Variants in C4orf51 observed in about 807,000 individuals in gnomAD.
C4orf51 encodes uncharacterized protein C4orf51.
A neutral mutation model predicts 25.2 loss-of-function variants in C4orf51; 25 were observed. The ratio of observed to expected loss-of-function variants is 0.99; its 90% confidence interval spans 0.72 to 1.39. C4orf51 has a LOEUF of 1.39. C4orf51 is among the 40% of genes most tolerant of loss of function. The probability of loss-of-function intolerance (pLI) is 0.00; values close to 1 mark genes in which losing one functional copy is unlikely to be tolerated. For missense variants in C4orf51, 252 were observed against 239.6 expected (o/e 1.05, Z -0.34); for synonymous variants, 100 against 84.5 (o/e 1.18, Z -1.01).
At chr4:145,753,472 T>C (rs977425284) in intron 1 of C4orf51, among the ~76,000 whole-genome samples, 4 of 152,164 alleles carry the variant, frequency 2.6e-5, no homozygotes, top group Admixed American at 1.3e-4. Context: ...CAACTGCTAG[T>C]TGTGTGTCAA....
intron 1 of C4orf51, among the ~76,000 whole-genome samples, chr4:145,766,119 T>C (rs989365537): frequency 4.6e-5 from 7 of 152,170 alleles, no homozygotes; most frequent in Non-Finnish European, 7.3e-5. Flanking sequence ...CATTTTACGA[T>C]GAGGGAATGG....
the C4orf51 span, among the ~76,000 whole-genome samples, chr4:145,788,046 T>C: frequency 6.6e-6 from 1 of 152,232 alleles, no homozygotes; most frequent in Non-Finnish European, 1.5e-5. Flanking sequence ...CTAGTGACTC[T>C]GGGAGAGCAG....
chr4:145,756,468 T>C (rs1733961051), downstream of C4orf51, among the ~76,000 whole-genome samples: 1 of 152,230 alleles, frequency 6.6e-6, no homozygotes, highest in Non-Finnish European at 1.5e-5. Flanking sequence ...TGTTCTGTCA[T>C]GAACAGTTCT....
intron 1 of C4orf51, among the ~76,000 whole-genome samples, chr4:145,745,198 T>C (rs147606439): frequency 8.6e-4 from 131 of 152,316 alleles, no homozygotes; most frequent in African/African-American, 3.0e-3. Context: ...CACCCAAGCA[T>C]GTATCCTTTG....
At chr4:145,688,314 G>A (rs1156472875) in intron 1 of C4orf51, among the ~76,000 whole-genome samples, 3 of 151,686 alleles carry the variant, frequency 2.0e-5, no homozygotes, top group Non-Finnish European at 4.4e-5. Flanking sequence ...GAAGACATTA[G>A]AGAAAATAGA....
intron 1 of C4orf51, among the ~76,000 whole-genome samples, chr4:145,748,835 T>C (rs989804615): frequency 2.0e-5 from 3 of 152,068 alleles, no homozygotes; most frequent in African/African-American, 7.2e-5. Flanking sequence ...GAAGAATGTG[T>C]TTTCTATAGC....
chr4:145,730,065 G>A (rs930792979), intron 5 of C4orf51, 100 bp downstream of exon 5: 8 of 953,642 alleles, frequency 8.4e-6, no homozygotes, highest in African/African-American at 4.8e-5. Context: ...GGTGGCCTGT[G>A]TATGTTTAGA....
chr4:145,730,176 G>A (rs1335566553), intron 5 of C4orf51, among the ~76,000 whole-genome samples: 1 of 152,002 alleles, frequency 6.6e-6, no homozygotes, highest in Non-Finnish European at 1.5e-5. Context: ...TTTCTTGGGT[G>A]GATCTCTCCA....
chr4:145,691,702 T>C (rs921141079), intron 1 of C4orf51, among the ~76,000 whole-genome samples: 1 of 152,184 alleles, frequency 6.6e-6, no homozygotes, highest in Non-Finnish European at 1.5e-5. Flanking sequence ...ACACAGCATG[T>C]TCTCACTTAT....
intron 2 of C4orf51, among the ~76,000 whole-genome samples, chr4:145,716,119 TATTA>T (rs1731397238): frequency 6.6e-6 from 1 of 152,212 alleles, no homozygotes; most frequent in African/African-American, 2.4e-5. Context: ...CAAAATTGTC[TATTA>T]ATTAGGGGGT....
chr4:145,773,376 C>T (rs1454226328), downstream of C4orf51, among the ~76,000 whole-genome samples: 1 of 152,220 alleles, frequency 6.6e-6, no homozygotes, highest in African/African-American at 2.4e-5. Flanking sequence ...GTTGGCACCA[C>T]TGAGCCAAAG....
chr4:145,764,644 T>C lies in C4orf51; in HGVS notation n.167-6344T>C, dbSNP rs541432592. 13 of 277,920 alleles carry C rather than the reference T, an allele frequency of 4.7e-5. No individual in the cohort carries two copies. In the South Asian group the frequency reaches 5.9e-4, roughly 13 times the overall value. The allele number at this position is 277,920 out of a possible 1,614,324, so 17.2% of individuals were successfully genotyped here. A position where few individuals can be genotyped will look rare whatever the true frequency, so the allele number is the denominator to read the frequency against. ...TGAATCTCGGTCACAGTATGATTTA[T>C]GCTTGGGGACACTAAGCCCTGAGTC... On this transcript the variant is annotated intron_variant and non_coding_transcript_variant, in intron 1 of 1. Transcript: ENST00000510096.
At chr4:145,786,043 C>T in the C4orf51 span, among the ~76,000 whole-genome samples, 1 of 152,274 alleles carries the variant, frequency 6.6e-6, no homozygotes, top group South Asian at 2.1e-4. Flanking sequence ...CCAATCCTCT[C>T]TGAGGTAAAC....
In C4orf51 at chr4:145,762,905, C is replaced by T. The variant is rs1003740842; in HGVS notation, n.167-8083C>T. ...GCAGGGCTCAGGAGTGGACTGTCCT[C>T]GGAGGGTCTGGAGAGGTGTTCAGCA... is the stretch of plus-strand genomic sequence containing the variant. On this transcript the variant is annotated intron_variant and non_coding_transcript_variant, in intron 1 of 1. Coordinates refer to the C4orf51 transcript ENST00000510096. The surrounding 1 kb of genome is among the most constrained non-coding windows in gnomAD (Gnocchi z 4.9). Among the ~76,000 whole-genome samples the T allele has an allele frequency of 6.6e-6, 1 of 152,324 alleles. No individual in the cohort carries two copies. The highest frequency in any genetic ancestry group is 1.5e-5 in the Non-Finnish European group (1 of 68,034).
chr4:145,774,394 G>T, downstream of C4orf51: 1 of 1,224,728 alleles, frequency 8.2e-7, no homozygotes, highest in Non-Finnish European at 1.1e-6. Flanking sequence ...TCCTTCCATG[G>T]AAGGAAAAGG....
At chr4:145,792,334 A>T in the C4orf51 span, among the ~76,000 whole-genome samples, 14 of 152,086 alleles carry the variant, frequency 9.2e-5, no homozygotes, top group African/African-American at 3.1e-4. Flanking sequence ...CTGAATTTGT[A>T]TATGAAAGTC....
At chr4:145,773,705 A>G (rs563233913), downstream of C4orf51, among the ~76,000 whole-genome samples, 23 of 152,360 alleles carry the variant, frequency 1.5e-4, no homozygotes, top group African/African-American at 5.0e-4. Flanking sequence ...AAGCTTAAAT[A>G]ACAGGCGAGC....
chr4:145,736,581 C>G (rs1346479637), downstream of C4orf51, among the ~76,000 whole-genome samples: 1 of 152,112 alleles, frequency 6.6e-6, no homozygotes, highest in Non-Finnish European at 1.5e-5. Flanking sequence ...AGTGCACATG[C>G]CCTGACCTAG....
chr4:145,721,357 A>C (rs1388176105), intron 2 of C4orf51, among the ~76,000 whole-genome samples: 3 of 151,702 alleles, frequency 2.0e-5, no homozygotes, highest in African/African-American at 7.3e-5. Flanking sequence ...AAAAAAAAAA[A>C]AAAAAGATCA....
Sources: allele counts gnomAD v4.1 joint callset (sites outside exome capture counted in the v4.1 genomes callset), GRCh38; gene constraint gnomAD v4.1.1; non-coding constraint Gnocchi (gnomAD v3.1); transcripts MANE v1.5; gene names NCBI Gene and HGNC (gene_info 2026-07-23, HGNC 2026-07-21).